SMURF1: variants seen among roughly 807,000 people sequenced by gnomAD.
SMURF1 encodes the protein E3 ubiquitin-protein ligase SMURF1.
Under a neutral mutation model 98.0 loss-of-function variants are expected in SMURF1, and 44 were observed. The observed-to-expected ratio is 0.45, with a 90% CI of 0.35 to 0.58. The LOEUF (loss-of-function observed/expected upper bound fraction) is 0.58, where lower values mean the gene tolerates loss of function less well. Among genes scored for constraint, SMURF1 ranks in the 20% least tolerant of loss-of-function variants. SMURF1 has a pLI of 0.00. For missense variants in SMURF1, 687 were observed against 938.4 expected, an observed-to-expected ratio of 0.73 and a Z score of 3.50; for synonymous variants, 396 against 374.9, an observed-to-expected ratio of 1.06 and a Z score of -0.65.
intron 1 of SMURF1, among the ~76,000 whole-genome samples, chr7:99,096,431 TACTC>T (rs1377014353): frequency 6.6e-6 from 1 of 152,092 alleles, no homozygotes; most frequent in African/African-American, 2.4e-5. Flanking sequence ...AATCCAAAAT[TACTC>T]AGCATATAAA....
At chr7:99,120,288 A>G (rs1797579641) in intron 1 of SMURF1, among the ~76,000 whole-genome samples, 1 of 152,222 alleles carries the variant, frequency 6.6e-6, no homozygotes, top group African/African-American at 2.4e-5. Flanking sequence ...ACTCAGTCTC[A>G]GGTATTTCTT....
chr7:99,139,363 C>T (rs1798062452), intron 1 of SMURF1, among the ~76,000 whole-genome samples: 1 of 152,182 alleles, frequency 6.6e-6, no homozygotes, highest in South Asian at 2.1e-4. Context: ...TCTTACTTCA[C>T]AATATGCAGT....
At chr7:99,076,117 C>T (rs1200203169) in intron 1 of SMURF1, among the ~76,000 whole-genome samples, 1 of 152,148 alleles carries the variant, frequency 6.6e-6, no homozygotes, top group Non-Finnish European at 1.5e-5. Context: ...TGTTGCCCAG[C>T]CTGGTCTCAA....
intron 1 of SMURF1, among the ~76,000 whole-genome samples, chr7:99,093,421 G>A (rs1206533084): frequency 1.3e-5 from 2 of 152,118 alleles, no homozygotes; most frequent in African/African-American, 4.8e-5. Flanking sequence ...AAAATGGAAA[G>A]GATTAACGCC....
intron 1 of SMURF1, chr7:99,121,063 G>T (rs1797605606): frequency 6.6e-6 from 1 of 151,852 alleles, no homozygotes; most frequent in South Asian, 2.1e-4. Context: ...ATAAAATCGG[G>T]CATCAAGATA....
At chr7:99,088,691 A>T (rs975403812) in intron 1 of SMURF1, among the ~76,000 whole-genome samples, 12 of 152,108 alleles carry the variant, frequency 7.9e-5, no homozygotes, top group Non-Finnish European at 1.3e-4. Flanking sequence ...TTAGGAAGGT[A>T]GTTTGTTTGT....
chr7:99,083,734 C>G (rs764780083), intron 1 of SMURF1, among the ~76,000 whole-genome samples: 1 of 152,216 alleles, frequency 6.6e-6, no homozygotes, highest in African/African-American at 2.4e-5. Context: ...TCAAACCCCC[C>G]CAAAATGCAG....
In SMURF1 at chr7:99,093,429, G is replaced by A. The variant is rs1330246162; in HGVS notation, c.56-31592C>T. On this transcript the variant is annotated intron_variant, in intron 1 of 17. Transcript: ENST00000361368. ...AGGTGAGAAAATGGAAAGGATTAAC[G>A]CCACATTGAGTTTTATCCTGGAAAA... is the stretch of plus-strand genomic sequence containing the variant. 2.6e-5 allele frequency among the ~76,000 whole-genome samples: 4 copies of A among 152,000 alleles called. No individual in the cohort carries two copies. The East Asian group carries it at 5.8e-4, about 22-fold the overall frequency.
rs765505807 is a variant in SMURF1, at chr7:99,033,069, C to T, written c.2064G>A (p.Ala688=). 32 of 1,592,966 alleles carry T rather than the reference C, an allele frequency of 2.0e-5. No individual in the cohort carries two copies. In the Admixed American group the frequency reaches 2.1e-4, roughly 11 times the overall value. The change falls in exon 17 of 18, where the codon GCG becomes GCA. Residue 688 remains alanine (A), a synonymous_variant. Transcript: ENST00000361368. ...PRLFTIHLID[A]NTDNLPKAHT... ...GGGCCTTCGGAAGGTTGTCTGTGTT[C>T]GCGTCTATCAGGTGGATGGTGAACA...
rs1435009848 is a variant in SMURF1 at position 99,028,954 on chromosome 7, A to AG, written c.*1629_*1630insC. ...GGTGAATGAGACACAGGATGTGCCCACCTGTGGGGGCAAGGCAGAACTTTT... is the reference window on the plus strand; with the variant it reads ...GGTGAATGAGACACAGGATGTGCCCAGCCTGTGGGGGCAAGGCAGAACTTTT... On this transcript the variant is annotated 3_prime_UTR_variant, in exon 18 of 18. Transcript: ENST00000361368. 2 of 152,222 alleles carry AG rather than the reference A, an allele frequency of 1.3e-5. No homozygotes were observed. Among genetic ancestry groups the AG allele is most frequent in the Non-Finnish European group, 2.9e-5 (2 of 68,058 alleles). 9.4% of individuals were successfully genotyped at this position (152,222 alleles called of 1,614,324 possible).
chr7:99,040,635 C>T, intron 12 of SMURF1, 79 bp from the exon 13 acceptor site: 1 of 1,314,018 alleles, frequency 7.6e-7, no homozygotes, highest in South Asian at 2.3e-5. Context: ...CCCCAAGCTT[C>T]TTGGGAAAAG....
intron 11 of SMURF1, 30 bp from the exon 12 acceptor site, chr7:99,042,262 G>T: frequency 6.7e-7 from 1 of 1,488,540 alleles, no homozygotes; most frequent in East Asian, 2.3e-5. Flanking sequence ...ATGCATTTGA[G>T]ACGCGCTAAA....
chr7:99,074,934 G>A (rs1796416960), intron 1 of SMURF1, among the ~76,000 whole-genome samples: 3 of 152,054 alleles, frequency 2.0e-5, no homozygotes, highest in African/African-American at 7.3e-5. Context: ...AATAAGCACA[G>A]AAAAACATGC....
chr7:99,064,365 G>T (rs912979572), intron 1 of SMURF1, among the ~76,000 whole-genome samples: 10 of 152,062 alleles, frequency 6.6e-5, no homozygotes, highest in Admixed American at 4.6e-4. Context: ...TTTAATGTTG[G>T]GTAGAGTTCA....
chr7:99,087,346 C>T (rs939158770), intron 1 of SMURF1, among the ~76,000 whole-genome samples: 3 of 152,132 alleles, frequency 2.0e-5, no homozygotes, highest in African/African-American at 7.2e-5. Flanking sequence ...GAGTGCACCA[C>T]TGCTCTCCAG....
chr7:99,057,150 G>T (rs1023229037), intron 5 of SMURF1, 55 bp downstream of exon 5: 3 of 1,589,392 alleles, frequency 1.9e-6, no homozygotes, highest in African/African-American at 2.7e-5. Context: ...GGCGATGAAG[G>T]GTTGAATGTA....
chr7:99,042,798 C>A (rs529916800), intron 11 of SMURF1, among the ~76,000 whole-genome samples: 1 of 152,270 alleles, frequency 6.6e-6, no homozygotes, highest in African/African-American at 2.4e-5. Flanking sequence ...TTCAACGGAT[C>A]GCATTAAGAT....
chr7:99,031,903 T>C (rs1794903202), intron 17 of SMURF1, among the ~76,000 whole-genome samples: 2 of 152,236 alleles, frequency 1.3e-5, no homozygotes, highest in Non-Finnish European at 2.9e-5. Context: ...TCTCAATGGA[T>C]GGTTCCAGGA....
intron 1 of SMURF1, among the ~76,000 whole-genome samples, chr7:99,141,035 T>C (rs1798109108): frequency 6.6e-6 from 1 of 152,178 alleles, no homozygotes; most frequent in Admixed American, 6.5e-5. Flanking sequence ...ACCGCAATCC[T>C]ATTGTAAGGA....
Sources: gnomAD v4.1 joint callset for allele counts (sites outside exome capture counted in the v4.1 genomes callset) on GRCh38, gnomAD v4.1.1 for gene constraint, MANE v1.5 for transcripts, NCBI Gene and HGNC (gene_info 2026-07-23, HGNC 2026-07-21) for gene names.